The following RBM25 variants were observed in gnomAD, a reference collection of about 807,000 sequenced individuals.
The protein encoded by RBM25 is RNA-binding protein 25.
A neutral mutation model predicts 120.7 loss-of-function variants in RBM25; 19 were observed. The ratio of observed to expected loss-of-function variants is 0.16; its 90% CI spans 0.11 to 0.23. The LOEUF is 0.23. Ranked by LOEUF, RBM25 falls within the 10% of genes least tolerant of loss-of-function variation. The probability of loss-of-function intolerance (pLI) is 1.00; values close to 1 mark genes in which losing one functional copy is unlikely to be tolerated. For synonymous variants in RBM25, 390 were observed against 326.7 expected (o/e 1.19, Z -2.09); for missense variants, 605 against 1,041.5 (o/e 0.58, Z 5.77).
chr14:73,067,562 G>A (rs1486483226), intron 1 of RBM25, among the ~76,000 whole-genome samples: 5 of 148,808 alleles, frequency 3.4e-5, no homozygotes, highest in South Asian at 2.1e-4. Flanking sequence ...GTGCCACCAC[G>A]CCTGGATAAT....
At chr14:73,060,535 A>C (rs1022736953) in intron 1 of RBM25, among the ~76,000 whole-genome samples, 1 of 151,422 alleles carries the variant, frequency 6.6e-6, no homozygotes, top group Admixed American at 6.6e-5. Context: ...ATCAATCTTA[A>C]CATCTTGCTA....
In RBM25 at chr14:73,103,489, A is replaced by G. The variant is rs747922113; in HGVS notation, c.1154+11A>G. Reference sequence around the variant, plus strand: ...TCGCAGTCGATCAAGGTAAGGCTTTACAGAAGTTACTGTTTCCTGATAGCT... The same window carrying G: ...TCGCAGTCGATCAAGGTAAGGCTTTGCAGAAGTTACTGTTTCCTGATAGCT... On this transcript the variant is annotated intron_variant, in intron 10 of 18. Coordinates refer to ENST00000261973, the MANE Select transcript of RBM25 (RefSeq NM_021239.3). 1.9e-6 allele frequency: 3 copies of G among 1,558,092 alleles called. No homozygotes were observed. The highest frequency in any genetic ancestry group is 2.6e-6 in the Non-Finnish European group (3 of 1,155,068).
Position 73,119,701 on chromosome 14 carries a change from T to C in RBM25, c.2440-12T>C. On this transcript the variant is annotated splice_polypyrimidine_tract_variant and intron_variant, in intron 18 of 18. Transcript: ENST00000261973. Reference sequence around the variant, plus strand: ...TTCTCTTACATGTGTTGCTGTTTTGTTTCCTCTTTAGGTACTTGATGAAGA... The same window carrying C: ...TTCTCTTACATGTGTTGCTGTTTTGCTTCCTCTTTAGGTACTTGATGAAGA... The C allele has an allele frequency of 1.2e-6, 2 of 1,611,272 alleles. No homozygotes were observed. The highest frequency in any genetic ancestry group is 1.7e-6 in the Non-Finnish European group (2 of 1,179,350).
At chr14:73,095,619 A>T (rs1239222957) in intron 6 of RBM25, among the ~76,000 whole-genome samples, 1 of 152,000 alleles carries the variant, frequency 6.6e-6, no homozygotes, top group East Asian at 1.9e-4. Context: ...AAAAAAAAAA[A>T]GAATTTGTTG....
intron 18 of RBM25, among the ~76,000 whole-genome samples, chr14:73,117,128 C>G (rs900927278): frequency 6.7e-6 from 1 of 150,276 alleles, no homozygotes; most frequent in African/African-American, 2.4e-5. Flanking sequence ...TCATAGAAAT[C>G]TGATCAAAAG....
At chr14:73,081,562 C>A (rs1249404962) in intron 4 of RBM25, among the ~76,000 whole-genome samples, 6 of 152,088 alleles carry the variant, frequency 3.9e-5, no homozygotes. Context: ...GGTTTGGATC[C>A]TATATCTTGC....
intron 6 of RBM25, among the ~76,000 whole-genome samples, chr14:73,096,223 C>T (rs1037761242): frequency 1.1e-4 from 16 of 152,132 alleles, no homozygotes; most frequent in African/African-American, 3.4e-4. Flanking sequence ...GATCCGCCCC[C>T]GCCTCGGCCT....
At chr14:73,074,199 C>T (rs1184972909) in intron 2 of RBM25, among the ~76,000 whole-genome samples, 1 of 152,098 alleles carries the variant, frequency 6.6e-6, no homozygotes, top group Non-Finnish European at 1.5e-5. Context: ...GCTCATAATG[C>T]AGTTCTGGGT....
At chr14:73,094,222 G>A (rs1895884350) in intron 6 of RBM25, among the ~76,000 whole-genome samples, 1 of 151,244 alleles carries the variant, frequency 6.6e-6, no homozygotes, top group Non-Finnish European at 1.5e-5. Context: ...CAAAGTGCTG[G>A]GATTATAGGT....
At chr14:73,104,768 C>T (rs1244621798) in intron 10 of RBM25, among the ~76,000 whole-genome samples, 1 of 152,096 alleles carries the variant, frequency 6.6e-6, no homozygotes, top group Non-Finnish European at 1.5e-5. Context: ...AGAGAAAAAG[C>T]TCCTTTTTCT....
intron 18 of RBM25, among the ~76,000 whole-genome samples, chr14:73,115,022 G>A (rs1045388236): frequency 1.3e-5 from 2 of 152,168 alleles, no homozygotes; most frequent in African/African-American, 4.8e-5. Context: ...AGGTATACAG[G>A]TACTGGAACC....
chr14:73,080,647 A>G (rs1355106507), intron 4 of RBM25, among the ~76,000 whole-genome samples: 1 of 152,056 alleles, frequency 6.6e-6, no homozygotes, highest in Non-Finnish European at 1.5e-5. Flanking sequence ...ATCTGTTGAC[A>G]TGTTATGGTA....
intron 6 of RBM25, among the ~76,000 whole-genome samples, chr14:73,090,049 AG>A (rs1895775394): frequency 2.6e-5 from 4 of 151,114 alleles, no homozygotes; most frequent in Admixed American, 2.6e-4. Context: ...TACAGAAAAA[AG>A]TACCCCCCCT....
intron 18 of RBM25, 133 bp from the exon 19 acceptor site, chr14:73,119,580 A>C (rs1896504438): frequency 6.7e-7 from 1 of 1,490,112 alleles, no homozygotes; most frequent in African/African-American, 1.4e-5. Flanking sequence ...AACAACCTTA[A>C]AATCTTAACT....
rs781773277 is a variant in RBM25, at chr14:73,063,351, G to T, written c.-16+4646G>T. Among the ~76,000 whole-genome samples the T allele has an allele frequency of 8.6e-5, 13 of 150,962 alleles. 2 individuals carry two copies. The highest frequency in any genetic ancestry group is 1.9e-4 in the Non-Finnish European group (13 of 67,370). On this transcript the variant is annotated intron_variant, in intron 1 of 18. Transcript: ENST00000261973. ...TTTTTAGTAGAGACGAGATTTCACT[G>T]TGTTAGCCAGGATGGTCTCGATCTC...
intron 1 of RBM25, chr14:73,069,779 A>AAAAAAAAT (rs1895234317): frequency 8.0e-6 from 1 of 125,248 alleles, no homozygotes; most frequent in Non-Finnish European, 1.7e-5. Context: ...AAAAAAAAAA[A>AAAAAAAAT]GTGTGTTGCT....
rs1437859043 is a variant in RBM25 at position 73,099,974 on chromosome 14, TC to T, written c.867+225del. 6.9e-6 allele frequency: 4 copies of T among 577,608 alleles called. No individual in the cohort carries two copies. The African/African-American group carries it at 7.7e-5, about 11-fold the overall frequency. The allele number at this position is 577,608 out of a possible 1,614,324, so 35.8% of individuals were successfully genotyped here. ...TCAGTTACTGACTATTCTGCAGTCA[TC>T]TCACTTTAATATGAATAGAAGCTAA... On this transcript the variant is annotated intron_variant, in intron 9 of 18. Coordinates refer to ENST00000261973, the MANE Select transcript of RBM25 (RefSeq NM_021239.3).
chr14:73,105,539 G>T (rs1035174456), intron 10 of RBM25, among the ~76,000 whole-genome samples: 1 of 152,070 alleles, frequency 6.6e-6, no homozygotes, highest in African/African-American at 2.4e-5. Flanking sequence ...ACCATCAGGG[G>T]ATTGACTATT....
chr14:73,073,065 T>G (rs1233291954), intron 2 of RBM25, among the ~76,000 whole-genome samples: 1 of 152,124 alleles, frequency 6.6e-6, no homozygotes, highest in Non-Finnish European at 1.5e-5. Context: ...CACAGGCTTT[T>G]GCCACCATGT....
Sources: gnomAD v4.1 joint callset for allele counts (sites outside exome capture counted in the v4.1 genomes callset) on GRCh38, gnomAD v4.1.1 for gene constraint, MANE v1.5 for transcripts, NCBI Gene and HGNC (gene_info 2026-07-23, HGNC 2026-07-21) for gene names.